ZNF585A: variants seen among roughly 807,000 people sequenced by gnomAD.
ZNF585A encodes the protein zinc finger protein 585A.
ZNF585A carries 9 observed loss-of-function variants against 14.9 expected under a neutral mutation model. The ratio of observed to expected loss-of-function variants is 0.60; its 90% CI spans 0.36 to 1.05. ZNF585A has a LOEUF of 1.05. ZNF585A is among the 50% of genes least tolerant of loss of function. ZNF585A has a pLI of 0.01. For synonymous variants in ZNF585A, 276 were observed against 319.9 expected (o/e 0.86, Z 1.46); for missense variants, 726 against 926.4 (o/e 0.78, Z 2.81).
intron 2 of ZNF585A, among the ~76,000 whole-genome samples, chr19:37,159,212 G>A (rs1440811793): frequency 1.5e-5 from 2 of 132,262 alleles, no homozygotes; most frequent in Non-Finnish European, 3.0e-5. Context: ...TCGTGCCACT[G>A]CACTCCAGCC....
chr19:37,155,239 C>T (rs1397735871), intron 4 of ZNF585A, among the ~76,000 whole-genome samples: 3 of 151,866 alleles, frequency 2.0e-5, no homozygotes, highest in Non-Finnish European at 2.9e-5. Flanking sequence ...CTGCCCGCCT[C>T]GGCCTCCCAA....
intron 4 of ZNF585A, 135 bp from the exon 5 acceptor site, chr19:37,153,741 A>G (rs77504365): frequency 1.3e-6 from 1 of 761,906 alleles, no homozygotes; most frequent in East Asian, 2.8e-5. Flanking sequence ...CAAATGAGGC[A>G]TATTGATGGG....
rs1972024674 is a variant in ZNF585A at position 37,162,292 on chromosome 19, G to A, written c.73-5937C>T. On this transcript the variant is annotated intron_variant, in intron 2 of 4. Transcript: ENST00000292841. ...TAATTGTGTTCGGAGATTACAATTT[G>A]TTTCTTTGTGATGTGTGTTGATTCT... is the stretch of plus-strand genomic sequence containing the variant. 2.0e-5 allele frequency among the ~76,000 whole-genome samples: 3 copies of A among 152,188 alleles called. No individual in the cohort carries two copies. In the South Asian group the frequency reaches 6.2e-4, roughly 32 times the overall value.
At chr19:37,168,312 C>T (rs1463233105) in intron 2 of ZNF585A, among the ~76,000 whole-genome samples, 1 of 152,130 alleles carries the variant, frequency 6.6e-6, no homozygotes, top group African/African-American at 2.4e-5. Flanking sequence ...ATCAGTTAAA[C>T]CTCAGTTTTG....
intron 2 of ZNF585A, among the ~76,000 whole-genome samples, chr19:37,167,252 G>A (rs1424272581): frequency 6.6e-6 from 1 of 152,124 alleles, no homozygotes; most frequent in Non-Finnish European, 1.5e-5. Context: ...TTGGCTCACT[G>A]CAACCTCTGC....
rs4806414 is a variant in ZNF585A at position 37,147,886 on chromosome 19, T to C, written c.*3703A>G. ...TTCTTTATGTCTGAGCAGCCCTCCA[T>C]AGTATTGGTGTACACAATTTGTTTA... On this transcript the variant is annotated 3_prime_UTR_variant, in exon 5 of 5. Coordinates refer to ENST00000292841, the MANE Select transcript of ZNF585A (RefSeq NM_001288800.2). 0.17 allele frequency: 25,513 copies of C among 152,162 alleles called. 2,316 individuals are homozygous for C. Among genetic ancestry groups the C allele is most frequent in the African/African-American group, 0.24 (10,160 of 41,496 alleles). The allele number at this position is 152,162 out of a possible 1,614,324, so 9.4% of individuals were successfully genotyped here.
In ZNF585A at chr19:37,146,248, G is replaced by A. The variant is rs935413873; in HGVS notation, c.*5341C>T. On this transcript the variant is annotated 3_prime_UTR_variant, in exon 5 of 5. Transcript: ENST00000292841. ...ATACAAAAAATTAGCTGGGTGTGGT[G>A]GTGGGTGCCTGTAATCGCAGCTACT... is the stretch of plus-strand genomic sequence containing the variant. 6.6e-6 allele frequency: 1 copy of A among 152,308 alleles called. No homozygotes were observed. The highest frequency in any genetic ancestry group is 6.5e-5 in the Admixed American group (1 of 15,278). The allele number at this position is 152,308 out of a possible 1,614,324, so 9.4% of individuals were successfully genotyped here.
chr19:37,148,815 G>A lies in ZNF585A; in HGVS notation c.*2774C>T, dbSNP rs1156730429. On this transcript the variant is annotated 3_prime_UTR_variant, in exon 5 of 5. Coordinates refer to ENST00000292841, the MANE Select transcript of ZNF585A (RefSeq NM_001288800.2). ...CATCCAGACGATGGAACATAATTTG[G>A]CTCTAAAAAGAAATGCATTATCAAG... 6.6e-6 allele frequency: 1 copy of A among 152,034 alleles called. No homozygotes were observed. The highest frequency in any genetic ancestry group is 2.4e-5 in the African/African-American group (1 of 41,402). 9.4% of individuals were successfully genotyped at this position (152,034 alleles called of 1,614,324 possible).
Position 37,152,888 on chromosome 19 carries a change from A to G in ZNF585A, c.1011T>C (p.Asn337=), listed in dbSNP as rs1971859506. The change falls in exon 5 of 5, where the codon AAT becomes AAC. Residue 337 remains asparagine, a synonymous_variant. Transcript: ENST00000292841. Reference sequence around the variant, plus strand: ...TCTTATGTGTAACGAGGTTGGAATTATTGCTGAAGACCTTCCCATATTCGG... The same window carrying G: ...TCTTATGTGTAACGAGGTTGGAATTGTTGCTGAAGACCTTCCCATATTCGG... ...ICTEYGKVFS[N]NSNLVTHKKV... 6.2e-7 allele frequency: 1 copy of G among 1,614,074 alleles called. No individual in the cohort carries two copies. The highest frequency in any genetic ancestry group is 8.5e-7 in the Non-Finnish European group (1 of 1,180,046).
chr19:37,152,726 G>C lies in ZNF585A; in HGVS notation c.1173C>G (p.Phe391Leu). 3 of 1,614,102 alleles carry C rather than the reference G, an allele frequency of 1.9e-6. No individual in the cohort carries two copies. Among genetic ancestry groups the C allele is most frequent in the Non-Finnish European group, 2.5e-6 (3 of 1,180,004 alleles). ...PYECSDCGKA[F>L]TQKSALTVHQ... ...GCACTGTGAGTGCTGACTTCTGAGT[G>C]AAGGCTTTCCCACAGTCACTGCATT... Residue 391 changes from phenylalanine to leucine, a missense_variant, in exon 5 of 5, where the codon TTC becomes TTG. By Grantham distance (22) the Phe-to-Leu change is conservative. This residue lies in a region of ZNF585A where 483 missense variants were observed against 542.8 expected (regional missense o/e 0.89). Coordinates refer to ENST00000292841, the MANE Select transcript of ZNF585A (RefSeq NM_001288800.2).
chr19:37,161,614 C>T (rs376442613), intron 2 of ZNF585A, among the ~76,000 whole-genome samples: 5 of 152,104 alleles, frequency 3.3e-5, no homozygotes, highest in Non-Finnish European at 5.9e-5. Context: ...CCTCCTCTTC[C>T]GCCTCTGCCA....
intron 2 of ZNF585A, among the ~76,000 whole-genome samples, chr19:37,157,981 C>T (rs940912221): frequency 1.1e-4 from 17 of 151,518 alleles, no homozygotes; most frequent in African/African-American, 2.2e-4. Flanking sequence ...CTCCACCTCC[C>T]GGATTCAAGC....
chr19:37,151,962 C>T lies in ZNF585A; in HGVS notation c.1937G>A (p.Arg646Lys). The change falls in exon 5 of 5, where the codon AGG (arginine) becomes AAG (lysine). Residue 646 changes from arginine (R) to lysine (K), a missense_variant. By Grantham distance (26) the Arg-to-Lys change is conservative. Around this residue, in one of 2 missense-constraint regions of ZNF585A, gnomAD observed 243 missense variants for 383.6 expected, o/e 0.63. Coordinates refer to ENST00000292841, the MANE Select transcript of ZNF585A (RefSeq NM_001288800.2). ...TTTCTGGTGCTTACTGAGATTTGAC[C>T]TGCCACTAAAGGCCTTCCCGCACTC... ...CAECGKAFSG[R>K]SNLSKHQKTH... 6.2e-7 allele frequency: 1 copy of T among 1,614,026 alleles called. No homozygotes were observed. The highest frequency in any genetic ancestry group is 8.5e-7 in the Non-Finnish European group (1 of 1,180,020).
chr19:37,162,876 G>T (rs1038192524), intron 2 of ZNF585A, among the ~76,000 whole-genome samples: 4 of 151,964 alleles, frequency 2.6e-5, no homozygotes, highest in African/African-American at 9.7e-5. Flanking sequence ...TAACTAATGG[G>T]TACTAGGCTT....
intron 2 of ZNF585A, among the ~76,000 whole-genome samples, chr19:37,160,282 T>C (rs1352262700): frequency 1.3e-5 from 2 of 151,078 alleles, no homozygotes; most frequent in African/African-American, 4.9e-5. Flanking sequence ...GCAGAGGATG[T>C]AGTGAGCTGA....
intron 2 of ZNF585A, among the ~76,000 whole-genome samples, chr19:37,169,381 T>C (rs1599756712): frequency 4.1e-5 from 3 of 72,774 alleles, no homozygotes; most frequent in Middle Eastern, 0.019. Flanking sequence ...AGCAAAGAAA[T>C]AGAAAACAGT....
Position 37,153,036 on chromosome 19 carries a change from T to A in ZNF585A, c.863A>T (p.His288Leu). 1 of 1,614,218 alleles carries A rather than the reference T, an allele frequency of 6.2e-7. No individual in the cohort carries two copies. Among genetic ancestry groups the A allele is most frequent in the South Asian group, 1.1e-5 (1 of 91,088 alleles). The change falls in exon 5 of 5, where the codon CAC becomes CTC. Residue 288 changes from histidine to leucine, a missense_variant. His to Leu is a moderately conservative substitution (Grantham distance 99). Around this residue, in one of 2 missense-constraint regions of ZNF585A, gnomAD observed 483 missense variants for 542.8 expected, o/e 0.89. Transcript: ENST00000292841. ...AFIQKTHLIA[H>L]RRIHTGEKPY... is the part of the protein sequence containing the mutation. ...TTTTTCTCCAGTATGAATTCTTCGGTGTGCAATCAAATGGGTCTTCTGGAT... is the reference window on the plus strand; with the variant it reads ...TTTTTCTCCAGTATGAATTCTTCGGAGTGCAATCAAATGGGTCTTCTGGAT...
Position 37,151,606 on chromosome 19 carries a change from G to A in ZNF585A, c.2293C>T (p.Gln765Ter). Residue 765 changes from glutamine to a stop codon, truncating the protein, a stop_gained, in exon 5 of 5, where the codon CAG (glutamine) becomes TAG (stop). Transcript: ENST00000292841. LOFTEE classifies it high-confidence loss of function. Reference sequence around the variant, plus strand: ...TGTTTCTCTCAAGCGTGGCTGCTCTGATGGACGCTGAACACTGATTTCTGA... The same window carrying A: ...TGTTTCTCTCAAGCGTGGCTGCTCTAATGGACGCTGAACACTGATTTCTGA... ...FVQKSVFSVH[Q>*]SSHA is the part of the protein sequence containing the mutation. The A allele has an allele frequency of 6.2e-7, 1 of 1,613,556 alleles. No homozygotes were observed. Among genetic ancestry groups the A allele is most frequent in the South Asian group, 1.1e-5 (1 of 91,014 alleles).
chr19:37,153,668 C>T lies in ZNF585A; in HGVS notation c.293-62G>A, dbSNP rs190936801. The stretch of plus-strand genomic sequence containing the variant: ...TTTTATCATTTGGTAATCTTTTTAA[C>T]ATTCTTTGAAGGATTATTTTTATTA... On this transcript the variant is annotated intron_variant, in intron 4 of 4. Coordinates refer to ENST00000292841, the MANE Select transcript of ZNF585A (RefSeq NM_001288800.2). The T allele has an allele frequency of 2.1e-4, 288 of 1,342,800 alleles. No individual in the cohort carries two copies. In the African/African-American group the frequency reaches 4.0e-3, roughly 19 times the overall value. The allele number at this position is 1,342,800 out of a possible 1,614,324, so 83.2% of individuals were successfully genotyped here.
Sources: allele counts gnomAD v4.1 joint callset (sites outside exome capture counted in the v4.1 genomes callset), GRCh38; gene constraint gnomAD v4.1.1; regional missense constraint gnomAD v4.1.1; transcripts MANE v1.5; gene names NCBI Gene and HGNC (gene_info 2026-07-23, HGNC 2026-07-21).